The following NXPE2 variants were observed in gnomAD, a reference collection of about 807,000 sequenced individuals.
The protein encoded by NXPE2 is NXPE family member 2.
NXPE2 carries 34 observed loss-of-function variants against 34.4 expected under a neutral mutation model. The ratio of observed to expected loss-of-function variants is 0.99; its 90% CI spans 0.75 to 1.31. NXPE2 has a LOEUF of 1.31. NXPE2 is among the 40% of genes most tolerant of loss of function. The probability of loss-of-function intolerance (pLI) is 0.00; values close to 1 mark genes in which losing one functional copy is unlikely to be tolerated. For missense variants in NXPE2, 649 were observed against 672.5 expected (o/e 0.97, Z 0.39); for synonymous variants, 235 against 231.3 (o/e 1.02, Z -0.15).
downstream of NXPE2, among the ~76,000 whole-genome samples, chr11:114,709,771 A>G (rs1238595574): frequency 6.6e-6 from 1 of 152,036 alleles, no homozygotes; most frequent in East Asian, 1.9e-4. Context: ...GCATGGGGGC[A>G]CATGTCTGTA....
chr11:114,522,669 T>A, the NXPE2 span, among the ~76,000 whole-genome samples: 1 of 152,206 alleles, frequency 6.6e-6, no homozygotes, highest in East Asian at 1.9e-4. Flanking sequence ...AAAATGTCAA[T>A]CAAAAATGTA....
the NXPE2 span, among the ~76,000 whole-genome samples, chr11:114,577,887 A>G: frequency 6.6e-6 from 1 of 152,176 alleles, no homozygotes; most frequent in Admixed American, 6.6e-5. Context: ...ATTAAGTGCC[A>G]TATCTATAAT....
At chr11:114,731,090 T>A in the NXPE2 span, among the ~76,000 whole-genome samples, 1 of 152,116 alleles carries the variant, frequency 6.6e-6, no homozygotes, top group Non-Finnish European at 1.5e-5. Flanking sequence ...GTTTGATGAG[T>A]GCTTTTATCA....
At chr11:114,676,880 A>G (rs1402471454), upstream of NXPE2, among the ~76,000 whole-genome samples, 1 of 152,068 alleles carries the variant, frequency 6.6e-6, no homozygotes, top group Non-Finnish European at 1.5e-5. Context: ...AGATGAACTG[A>G]TAAAGAAATT....
At chr11:114,469,733 C>T in the NXPE2 span, among the ~76,000 whole-genome samples, 122 of 151,998 alleles carry the variant, frequency 8.0e-4, no homozygotes, top group African/African-American at 2.7e-3. Flanking sequence ...CCTCGTGATT[C>T]GCCCACCTCA....
rs1056508535 is a variant in NXPE2, at chr11:114,706,955, G to A, written c.*25G>A. On this transcript the variant is annotated 3_prime_UTR_variant, in exon 6 of 6. Transcript: ENST00000389586. ...GAGGAAAAATACAAAAATAGCACTA[G>A]CCACTTTCTATAGATGATCTCACAT... The A allele has an allele frequency of 6.6e-7, 1 of 1,508,020 alleles. No individual in the cohort carries two copies. Among genetic ancestry groups the A allele is most frequent in the Non-Finnish European group, 8.9e-7 (1 of 1,119,956 alleles). 93.4% of individuals were successfully genotyped at this position (1,508,020 alleles called of 1,614,324 possible).
chr11:114,583,245 T>G, the NXPE2 span: 18 of 676,468 alleles, frequency 2.7e-5, no homozygotes, highest in East Asian at 5.1e-4. Context: ...GGACAGGAAG[T>G]GAGCAAGATG....
chr11:114,559,028 G>A, the NXPE2 span, among the ~76,000 whole-genome samples: 1 of 152,286 alleles, frequency 6.6e-6, no homozygotes, highest in East Asian at 1.9e-4. Flanking sequence ...AGATTTACCT[G>A]TAATATGAAG....
chr11:114,636,759 G>T, the NXPE2 span, among the ~76,000 whole-genome samples: 1 of 152,076 alleles, frequency 6.6e-6, no homozygotes, highest in African/African-American at 2.4e-5. Flanking sequence ...CAGTTTCCAT[G>T]TAGTTGAGTA....
chr11:114,697,987 T>G, intron 2 of NXPE2, 58 bp from the exon 3 acceptor site: 1 of 1,387,100 alleles, frequency 7.2e-7, no homozygotes. Flanking sequence ...TAATTTATAT[T>G]GAAAAGCAAG....
At chr11:114,614,393 C>T in the NXPE2 span, among the ~76,000 whole-genome samples, 236 of 151,544 alleles carry the variant, frequency 1.6e-3, no homozygotes, top group African/African-American at 5.2e-3. Flanking sequence ...ATAAGTGTAG[C>T]CTCTAGGGTA....
chr11:114,601,729 T>TA, the NXPE2 span, among the ~76,000 whole-genome samples: 231 of 72,964 alleles, frequency 3.2e-3, 7 homozygotes, highest in African/African-American at 0.012. Context: ...TATAATTATA[T>TA]ATTATATATA....
the NXPE2 span, among the ~76,000 whole-genome samples, chr11:114,718,019 T>C: frequency 2.0e-5 from 3 of 152,228 alleles, no homozygotes; most frequent in Non-Finnish European, 4.4e-5. Flanking sequence ...TGCTGTTATT[T>C]TTCTCTGTGT....
At chr11:114,684,507 T>C (rs1951008448) in intron 2 of NXPE2, among the ~76,000 whole-genome samples, 5 of 152,162 alleles carry the variant, frequency 3.3e-5, no homozygotes, top group Admixed American at 3.3e-4. Flanking sequence ...GTCTGTGACA[T>C]TTCCTTGGAT....
At chr11:114,690,221 C>A (rs1951125577) in intron 2 of NXPE2, among the ~76,000 whole-genome samples, 1 of 152,046 alleles carries the variant, frequency 6.6e-6, no homozygotes, top group South Asian at 2.1e-4. Context: ...TTTGTGGTAG[C>A]AAGTAACATT....
the NXPE2 span, among the ~76,000 whole-genome samples, chr11:114,769,613 A>G: frequency 6.6e-6 from 1 of 152,192 alleles, no homozygotes; most frequent in Non-Finnish European, 1.5e-5. Flanking sequence ...CATATACACC[A>G]TGGAATACTA....
chr11:114,489,047 A>C, the NXPE2 span, among the ~76,000 whole-genome samples: 2 of 152,198 alleles, frequency 1.3e-5, no homozygotes, highest in Non-Finnish European at 2.9e-5. Flanking sequence ...ATCCTCCAGA[A>C]ATACAAATTA....
the NXPE2 span, among the ~76,000 whole-genome samples, chr11:114,533,589 A>G: frequency 6.6e-6 from 1 of 152,222 alleles, no homozygotes; most frequent in Non-Finnish European, 1.5e-5. Flanking sequence ...TCCCACCCTA[A>G]TACTGCGCTT....
At chr11:114,682,460 A>G (rs760109467) in intron 2 of NXPE2, among the ~76,000 whole-genome samples, 1 of 152,106 alleles carries the variant, frequency 6.6e-6, no homozygotes, top group Non-Finnish European at 1.5e-5. Context: ...GTTAATTTTG[A>G]TTGGCATCTT....
Sources: allele counts gnomAD v4.1 joint callset (sites outside exome capture counted in the v4.1 genomes callset), GRCh38; gene constraint gnomAD v4.1.1; transcripts MANE v1.5; gene names NCBI Gene and HGNC (gene_info 2026-07-23, HGNC 2026-07-21).